Variants in YME1L1 observed in about 807,000 individuals in gnomAD.
YME1L1 encodes the protein ATP-dependent zinc metalloprotease YME1L1.
YME1L1 carries 39 observed loss-of-function variants against 90.4 expected under a neutral mutation model. The observed-to-expected ratio is 0.43, with a 90% CI of 0.33 to 0.56. YME1L1 has a LOEUF of 0.56. Ranked by LOEUF, YME1L1 falls within the 20% of genes least tolerant of loss-of-function variation. YME1L1 has a pLI of 0.03. For missense variants in YME1L1, 617 were observed against 868.4 expected, an observed-to-expected ratio of 0.71 and a Z score of 3.64; for synonymous variants, 284 against 287.3, an observed-to-expected ratio of 0.99 and a Z score of 0.12.
intron 18 of YME1L1, among the ~76,000 whole-genome samples, chr10:27,113,633 C>T (rs1564454037): frequency 6.7e-6 from 1 of 149,992 alleles, no homozygotes; most frequent in South Asian, 2.1e-4. Context: ...GATAGCACTA[C>T]TGCACTCCAG....
At chr10:27,147,575 C>T (rs529355264) in intron 2 of YME1L1, 7 of 1,597,126 alleles carry the variant, frequency 4.4e-6, no homozygotes, top group African/African-American at 2.7e-5. Flanking sequence ...ATCCTTTTTG[C>T]TGGCTCCATG....
chr10:27,144,451 T>G (rs1197713451), intron 3 of YME1L1, among the ~76,000 whole-genome samples: 1 of 152,188 alleles, frequency 6.6e-6, no homozygotes, highest in Non-Finnish European at 1.5e-5. Context: ...TATAAACTAG[T>G]CAAACCTGCT....
rs143656124 is a variant in YME1L1, at chr10:27,117,702, A to G, written c.1593T>C (p.Ile531=). 1,598 of 1,614,092 alleles carry G rather than the reference A, an allele frequency of 9.9e-4. 4 individuals carry two copies. Among genetic ancestry groups the G allele is most frequent in the Non-Finnish European group, 1.2e-3 (1,468 of 1,179,988 alleles). The change falls in exon 15 of 19, where the codon ATT becomes ATC. Residue 531 remains isoleucine, a synonymous_variant. Coordinates refer to ENST00000376016, the MANE Select transcript of YME1L1 (RefSeq NM_014263.4). ...CTGTGATGGTTTTGTTTTTGTTATC[A>G]ATTTCCACACTTCTTCTTTCAGGCC... ...LMGPERRSVE[I]DNKNKTITAY... is the part of the protein sequence containing the mutation.
chr10:27,132,644 G>A (rs532988475), intron 7 of YME1L1, among the ~76,000 whole-genome samples: 14 of 151,340 alleles, frequency 9.3e-5, no homozygotes, highest in South Asian at 8.3e-4. Context: ...ACGGTGAAAC[G>A]CCGTCTCTAC....
intron 18 of YME1L1, among the ~76,000 whole-genome samples, chr10:27,113,835 A>C (rs2056785014): frequency 6.6e-6 from 1 of 151,594 alleles, no homozygotes; most frequent in African/African-American, 2.4e-5. Context: ...TAAAAAAAAA[A>C]TGACAAAACC....
chr10:27,126,902 T>C, intron 8 of YME1L1, 116 bp from the exon 9 acceptor site: 1 of 612,262 alleles, frequency 1.6e-6, no homozygotes, highest in South Asian at 2.2e-5. Context: ...AACCTGACCT[T>C]CTCTGTTTCA....
chr10:27,117,689 T>G lies in YME1L1; in HGVS notation c.1606A>C (p.Lys536Gln). 1 of 1,614,234 alleles carries G rather than the reference T, an allele frequency of 6.2e-7. No individual in the cohort carries two copies. Among genetic ancestry groups the G allele is most frequent in the Non-Finnish European group, 8.5e-7 (1 of 1,180,030 alleles). The part of the protein sequence containing the change: ...RRSVEIDNKN[K>Q]TITAYHESGH... ...GATTCATGATATGCTGTGATGGTTTTGTTTTTGTTATCAATTTCCACACTT... is the reference window on the plus strand; with the variant it reads ...GATTCATGATATGCTGTGATGGTTTGGTTTTTGTTATCAATTTCCACACTT... The change falls in exon 15 of 19, where the codon AAA (lysine) becomes CAA (glutamine). Residue 536 changes from lysine (K) to glutamine (Q), a missense_variant. Physicochemically the swap from Lys to Gln is moderately conservative, Grantham distance 53 (BLOSUM62 1). This residue lies in a region of YME1L1 where 212 missense variants were observed against 330.0 expected (regional missense o/e 0.64). Transcript: ENST00000376016.
At chr10:27,124,601 C>T (rs1265103468) in intron 9 of YME1L1, among the ~76,000 whole-genome samples, 1 of 152,124 alleles carries the variant, frequency 6.6e-6, no homozygotes, top group Non-Finnish European at 1.5e-5. Context: ...TTTAGTTATA[C>T]TTAACTGGTT....
chr10:27,146,615 C>T (rs905952927), intron 2 of YME1L1: 1 of 152,158 alleles, frequency 6.6e-6, no homozygotes, highest in Non-Finnish European at 1.5e-5. Flanking sequence ...ACCCGCAGCA[C>T]CAGCTACTCA....
chr10:27,123,800 C>A, intron 9 of YME1L1, 101 bp from the exon 10 acceptor site: 1 of 1,248,922 alleles, frequency 8.0e-7, no homozygotes, highest in Non-Finnish European at 1.1e-6. Context: ...AATTTTCAGG[C>A]TGAGGTCACA....
chr10:27,112,497 C>T (rs1179798281), intron 18 of YME1L1, among the ~76,000 whole-genome samples: 1 of 152,158 alleles, frequency 6.6e-6, no homozygotes, highest in Non-Finnish European at 1.5e-5. Context: ...TTCATGTTTA[C>T]CCTAGTTACT....
intron 4 of YME1L1, 78 bp from the exon 5 acceptor site, chr10:27,136,463 C>T: frequency 8.6e-7 from 1 of 1,160,764 alleles, no homozygotes; most frequent in Non-Finnish European, 1.3e-6. Context: ...TAAAGTCTGA[C>T]ACCCTACCTG....
intron 1 of YME1L1, among the ~76,000 whole-genome samples, chr10:27,149,376 G>A (rs965185145): frequency 6.6e-6 from 1 of 152,130 alleles, no homozygotes; most frequent in Non-Finnish European, 1.5e-5. Flanking sequence ...AAAAATAGTA[G>A]AAAGCTGGAA....
At chr10:27,132,885 T>C in intron 7 of YME1L1, among the ~76,000 whole-genome samples, 1 of 152,190 alleles carries the variant, frequency 6.6e-6, no homozygotes, top group South Asian at 2.1e-4. Context: ...TTTCAGTTAA[T>C]AAAATCAAAA....
At chr10:27,143,323 C>G (rs1226226798) in intron 3 of YME1L1, among the ~76,000 whole-genome samples, 2 of 151,004 alleles carry the variant, frequency 1.3e-5, no homozygotes, top group Admixed American at 6.6e-5. Context: ...GAGCTGAGAT[C>G]GCGCCATTGC....
At position 27,142,398 on chromosome 10, in the gene YME1L1, T is replaced by C. The variant is rs754226357; in HGVS notation, c.419A>G (p.Gln140Arg). Residue 140 changes from glutamine (Q) to arginine (R), a missense_variant, in exon 4 of 19, where the codon CAG becomes CGG. This residue lies in a region of YME1L1 where 311 missense variants were observed against 335.8 expected (regional missense o/e 0.93). Transcript: ENST00000376016. ...RALQSICSDL[Q>R]YWPVFIQSRG... ...TTGTTGCTTCATACCTGGCCAGTAC[T>C]GAAGATCTGAACAAATGCTTTGAAG... is the stretch of plus-strand genomic sequence containing the variant. The C allele has an allele frequency of 1.8e-5, 27 of 1,498,706 alleles. No individual in the cohort carries two copies. In the East Asian group the frequency reaches 6.3e-4, roughly 35 times the overall value. The allele number at this position is 1,498,706 out of a possible 1,614,324, so 92.8% of individuals were successfully genotyped here.
intron 3 of YME1L1, among the ~76,000 whole-genome samples, chr10:27,143,162 G>A (rs2057107035): frequency 6.6e-6 from 1 of 151,634 alleles, no homozygotes; most frequent in South Asian, 2.1e-4. Flanking sequence ...CTGAGGTTGG[G>A]AGTTTGAGAG....
chr10:27,129,082 T>G (rs2056949740), intron 8 of YME1L1, among the ~76,000 whole-genome samples: 1 of 60,566 alleles, frequency 1.7e-5, no homozygotes, highest in African/African-American at 7.9e-5. Flanking sequence ...CAAGACCCTG[T>G]CTCAAAAAAA....
intron 1 of YME1L1, among the ~76,000 whole-genome samples, chr10:27,151,302 T>C (rs2057212526): frequency 6.6e-6 from 1 of 152,132 alleles, no homozygotes; most frequent in African/African-American, 2.4e-5. Flanking sequence ...AAAATTCCAG[T>C]GTTTATCTCC....
Sources: allele counts gnomAD v4.1 joint callset (sites outside exome capture counted in the v4.1 genomes callset), GRCh38; gene constraint gnomAD v4.1.1; regional missense constraint gnomAD v4.1.1; transcripts MANE v1.5; gene names NCBI Gene and HGNC (gene_info 2026-07-23, HGNC 2026-07-21).